The following RPH3A variants were observed in gnomAD, a reference collection of about 807,000 sequenced individuals.
The protein encoded by RPH3A is rabphilin 3A.
In RPH3A, 48 loss-of-function variants were observed where a neutral mutation model predicts 102.2. The ratio of observed to expected loss-of-function variants is 0.47; its 90% CI spans 0.37 to 0.60. The LOEUF is 0.60. Ranked by LOEUF, RPH3A falls within the 20% of genes least tolerant of loss-of-function variation. RPH3A has a pLI of 0.00. For missense variants in RPH3A, 781 were observed against 910.1 expected (o/e 0.86, Z 1.83); for synonymous variants, 310 against 324.3 (o/e 0.96, Z 0.47).
At chr12:112,875,248 AG>A in intron 11 of RPH3A, 78 bp downstream of exon 11, 1 of 1,144,718 alleles carries the variant, frequency 8.7e-7, no homozygotes, top group Non-Finnish European at 1.2e-6. Context: ...CCCTGCTTGC[AG>A]AGCATGCTGG....
At chr12:112,831,348 G>C (rs985934974) in intron 3 of RPH3A, among the ~76,000 whole-genome samples, 2 of 151,852 alleles carry the variant, frequency 1.3e-5, no homozygotes, top group African/African-American at 4.8e-5. Flanking sequence ...TGATATCCAT[G>C]GCTATCCTTA....
At chr12:112,797,680 G>A (rs1260024145) in intron 2 of RPH3A, among the ~76,000 whole-genome samples, 2 of 151,126 alleles carry the variant, frequency 1.3e-5, no homozygotes, top group Non-Finnish European at 2.9e-5. Flanking sequence ...GGCTTTGAGA[G>A]TGAATGAAAA....
chr12:112,800,947 C>G (rs766717961), intron 2 of RPH3A, among the ~76,000 whole-genome samples: 9 of 152,150 alleles, frequency 5.9e-5, no homozygotes, highest in Non-Finnish European at 1.3e-4. Context: ...GTTCCCCTCT[C>G]CCCGGAAGAA....
intron 1 of RPH3A, among the ~76,000 whole-genome samples, chr12:112,752,968 C>CTTTTTTTTTTTTTTT (rs3037266): frequency 8.4e-6 from 1 of 118,934 alleles, no homozygotes; most frequent in African/African-American, 3.3e-5. Context: ...GTCCAGTTTT[C>CTTTTTTTTTTTTTTT]TTTTTTTTTT....
At chr12:112,594,440 A>G (rs1387873691) in intron 1 of RPH3A, among the ~76,000 whole-genome samples, 6 of 152,056 alleles carry the variant, frequency 3.9e-5, no homozygotes, top group Admixed American at 3.9e-4. Context: ...TCTTTCTTCC[A>G]TCCATTCACA....
Position 112,603,666 on chromosome 12 carries a change from C to T in RPH3A, c.-140+28347C>T, listed in dbSNP as rs78244488. 6.7e-3 allele frequency among the ~76,000 whole-genome samples: 1,024 copies of T among 152,204 alleles called. 18 individuals carry two copies. The highest frequency in any genetic ancestry group is 0.024 in the African/African-American group (992 of 41,506). On this transcript the variant is annotated intron_variant, in intron 1 of 21. Transcript: ENST00000543106. ...AGGAATGCTTTTGTTCTCAAGATAT[C>T]GGGTTAACAGGACATTCCTCGGCTT...
At chr12:112,799,335 C>T (rs1359093611) in intron 2 of RPH3A, among the ~76,000 whole-genome samples, 2 of 152,162 alleles carry the variant, frequency 1.3e-5, no homozygotes, top group Non-Finnish European at 2.9e-5. Flanking sequence ...CTACTGTGAG[C>T]TGTGGTTGTG....
intron 16 of RPH3A, 48 bp downstream of exon 16, chr12:112,883,450 G>T: frequency 7.1e-7 from 1 of 1,413,922 alleles, no homozygotes; most frequent in South Asian, 1.2e-5. Flanking sequence ...GGAGACTCGG[G>T]GTGGGTGGAA....
intron 3 of RPH3A, among the ~76,000 whole-genome samples, chr12:112,829,276 T>C (rs11066429): frequency 0.2 from 29,898 of 151,932 alleles, 3,083 homozygotes; most frequent in Middle Eastern, 0.28. Context: ...GCTTTTTTTT[T>C]TTCTTTTTTT....
chr12:112,713,594 A>G (rs907310042), intron 1 of RPH3A, among the ~76,000 whole-genome samples: 2 of 152,198 alleles, frequency 1.3e-5, no homozygotes, highest in Admixed American at 1.3e-4. Flanking sequence ...ACAATAAACA[A>G]TGGAGCTGTG....
At chr12:112,816,872 G>A (rs1447438895) in intron 2 of RPH3A, among the ~76,000 whole-genome samples, 1 of 152,072 alleles carries the variant, frequency 6.6e-6, no homozygotes, top group Non-Finnish European at 1.5e-5. Context: ...ATAAATTAAG[G>A]ATAGCTTCTA....
intron 1 of RPH3A, among the ~76,000 whole-genome samples, chr12:112,665,311 G>A (rs2136005751): frequency 6.6e-6 from 1 of 152,186 alleles, no homozygotes; most frequent in East Asian, 1.9e-4. Flanking sequence ...GTAAACACAG[G>A]GAATGTCAGC....
chr12:112,861,077 C>G (rs188632205), intron 5 of RPH3A, among the ~76,000 whole-genome samples: 1 of 152,304 alleles, frequency 6.6e-6, no homozygotes, highest in East Asian at 1.9e-4. Flanking sequence ...TGCAGACATG[C>G]TCTGTATGGA....
At chr12:112,764,922 C>T (rs1416238012) in intron 1 of RPH3A, among the ~76,000 whole-genome samples, 3 of 152,122 alleles carry the variant, frequency 2.0e-5, no homozygotes, top group East Asian at 3.9e-4. Flanking sequence ...AAATACTTAA[C>T]GTGATGTCTA....
intron 1 of RPH3A, among the ~76,000 whole-genome samples, chr12:112,600,944 G>A (rs2039554144): frequency 6.6e-6 from 1 of 152,154 alleles, no homozygotes; most frequent in Non-Finnish European, 1.5e-5. Flanking sequence ...TTCACAGGAC[G>A]GCAGGAGAGA....
intron 1 of RPH3A, among the ~76,000 whole-genome samples, chr12:112,629,165 C>A (rs531584540): frequency 6.6e-6 from 1 of 152,054 alleles, no homozygotes; most frequent in Non-Finnish European, 1.5e-5. Context: ...TATTGATTGG[C>A]TCTAGATAAA....
At chr12:112,892,659 C>G (rs1482006945) in intron 19 of RPH3A, among the ~76,000 whole-genome samples, 1 of 152,184 alleles carries the variant, frequency 6.6e-6, no homozygotes, top group African/African-American at 2.4e-5. Context: ...AGTTTTACCC[C>G]CTGCAACTGG....
chr12:112,685,231 C>T (rs2040255080), intron 1 of RPH3A, among the ~76,000 whole-genome samples: 1 of 152,228 alleles, frequency 6.6e-6, no homozygotes, highest in Admixed American at 6.5e-5. Flanking sequence ...GCCATTGCAC[C>T]TGGCTCAAAC....
At chr12:112,596,869 A>C (rs1481410177) in intron 1 of RPH3A, among the ~76,000 whole-genome samples, 2 of 152,200 alleles carry the variant, frequency 1.3e-5, no homozygotes, top group Admixed American at 1.3e-4. Flanking sequence ...CCATTTATGT[A>C]AGTTTTCTTT....
Sources: allele counts gnomAD v4.1 joint callset (sites outside exome capture counted in the v4.1 genomes callset), GRCh38; gene constraint gnomAD v4.1.1; transcripts MANE v1.5; gene names NCBI Gene and HGNC (gene_info 2026-07-23, HGNC 2026-07-21).